Variants in SCN8A observed in about 807,000 individuals in gnomAD.
SCN8A encodes the protein sodium channel protein type 8 subunit alpha.
A neutral mutation model predicts 184.1 loss-of-function variants in SCN8A; 30 were observed. The ratio of observed to expected loss-of-function variants is 0.16; its 90% CI spans 0.12 to 0.22. The LOEUF (loss-of-function observed/expected upper bound fraction) is 0.22, where lower values mean the gene tolerates loss of function less well. Among genes scored for constraint, SCN8A ranks in the 10% least tolerant of loss-of-function variants. The pLI, the probability that SCN8A is intolerant of heterozygous loss-of-function variation, is 1.00. For synonymous variants in SCN8A, 852 were observed against 907.0 expected (o/e 0.94, Z 1.09); for missense variants, 1,057 against 2,498.9 (o/e 0.42, Z 12.30).
intron 21 of SCN8A, among the ~76,000 whole-genome samples, chr12:51,783,568 A>G (rs2138898256): frequency 6.6e-6 from 1 of 152,342 alleles, no homozygotes; most frequent in South Asian, 2.1e-4. Context: ...CTTGTGCTAT[A>G]GGCAAAGGAA....
chr12:51,643,752 C>T (rs1465172870), intron 1 of SCN8A, among the ~76,000 whole-genome samples: 1 of 152,106 alleles, frequency 6.6e-6, no homozygotes, highest in African/African-American at 2.4e-5. Context: ...AAAAGACTTC[C>T]ACTGATTGAA....
intron 1 of SCN8A, among the ~76,000 whole-genome samples, chr12:51,605,529 G>T (rs1399353866): frequency 6.6e-6 from 1 of 152,164 alleles, no homozygotes; most frequent in Non-Finnish European, 1.5e-5. Flanking sequence ...CAATGTTGCA[G>T]TTGTGAATTG....
chr12:51,631,527 T>TA (rs1940196220), intron 1 of SCN8A, among the ~76,000 whole-genome samples: 2 of 152,228 alleles, frequency 1.3e-5, no homozygotes, highest in African/African-American at 4.8e-5. Context: ...TTAAGACCAC[T>TA]ACCTGAAGCA....
intron 12 of SCN8A, among the ~76,000 whole-genome samples, chr12:51,740,889 A>G (rs1355064412): frequency 6.6e-6 from 1 of 152,146 alleles, no homozygotes; most frequent in Admixed American, 6.5e-5. Flanking sequence ...GGCTCAAGTG[A>G]TCCTCCTGCC....
At chr12:51,684,106 A>C in intron 2 of SCN8A, 68 bp from the exon 3 acceptor site, 2 of 832,808 alleles carry the variant, frequency 2.4e-6, no homozygotes, top group Non-Finnish European at 4.2e-6. Flanking sequence ...CCTTACCTAG[A>C]AATCATTGTT....
intron 1 of SCN8A, among the ~76,000 whole-genome samples, chr12:51,648,262 G>A (rs902921801): frequency 1.3e-5 from 2 of 152,168 alleles, no homozygotes; most frequent in Admixed American, 6.5e-5. Context: ...TTATTCACAG[G>A]TGTGACCATG....
intron 11 of SCN8A, among the ~76,000 whole-genome samples, chr12:51,716,327 A>G (rs1353765354): frequency 6.6e-6 from 1 of 152,158 alleles, no homozygotes; most frequent in Non-Finnish European, 1.5e-5. Context: ...ACTCCAGCCC[A>G]GGCAACAGAG....
Position 51,602,085 on chromosome 12 carries a change from C to G in SCN8A, c.-55+10726C>G, listed in dbSNP as rs142601689. Among the ~76,000 whole-genome samples the G allele has an allele frequency of 5.0e-3, 766 of 151,840 alleles. 5 individuals are homozygous for G. Among genetic ancestry groups the G allele is most frequent in the African/African-American group, 0.018 (731 of 41,404 alleles). Reference sequence around the variant, plus strand: ...TTGTTTTTTCCTTCCACAGTTTAATCCTAGAACCTAGAAAGAACTGTTATT... The same window carrying G: ...TTGTTTTTTCCTTCCACAGTTTAATGCTAGAACCTAGAAAGAACTGTTATT... On this transcript the variant is annotated intron_variant, in intron 1 of 26. Transcript: ENST00000627620.
chr12:51,697,495 G>A (rs576807784), intron 6 of SCN8A, among the ~76,000 whole-genome samples: 19 of 152,242 alleles, frequency 1.2e-4, no homozygotes, highest in Non-Finnish European at 2.5e-4. Flanking sequence ...GAAAAGTCTA[G>A]GTGATTACTT....
chr12:51,680,178 C>T (rs1601013), intron 2 of SCN8A, among the ~76,000 whole-genome samples: 123,456 of 152,146 alleles, frequency 0.81, 51,033 homozygotes, highest in East Asian at 0.99. Flanking sequence ...TTTTTGTTAA[C>T]AGAAAAACTG....
chr12:51,620,611 G>A (rs1555209097), intron 1 of SCN8A, among the ~76,000 whole-genome samples: 1 of 151,772 alleles, frequency 6.6e-6, no homozygotes, highest in Non-Finnish European at 1.5e-5. Context: ...ATAGAATGAA[G>A]CAATCATTGC....
intron 2 of SCN8A, among the ~76,000 whole-genome samples, chr12:51,665,644 T>G (rs541470570): frequency 1.2e-4 from 18 of 152,164 alleles, no homozygotes; most frequent in African/African-American, 4.3e-4. Flanking sequence ...TCTATAGGGG[T>G]GGAAAAAGTC....
chr12:51,606,146 G>A lies in SCN8A; in HGVS notation c.-55+14787G>A, dbSNP rs372293292. Among the ~76,000 whole-genome samples the A allele has an allele frequency of 2.4e-4, 36 of 152,164 alleles. 1 individual carries two copies. In the South Asian group the frequency reaches 7.1e-3, roughly 30 times the overall value. On this transcript the variant is annotated intron_variant, in intron 1 of 26. Coordinates refer to ENST00000627620, the MANE Select transcript of SCN8A (RefSeq NM_001330260.2). ...TTATTGCATTTGCTTTTGGGTTCTT[G>A]GCCATGAAATCCTTGCCTAAGCCAA...
intron 1 of SCN8A, among the ~76,000 whole-genome samples, chr12:51,619,662 A>G (rs1262796742): frequency 1.3e-5 from 2 of 152,248 alleles, no homozygotes; most frequent in Non-Finnish European, 2.9e-5. Context: ...GTGGAAAAAA[A>G]TAAAAAGGAT....
Position 51,637,291 on chromosome 12 carries a change from C to T in SCN8A, c.-54-25473C>T, listed in dbSNP as rs79513521. Among the ~76,000 whole-genome samples, 656 of 152,248 alleles carry T rather than the reference C, an allele frequency of 4.3e-3. 6 individuals are homozygous for T. The highest frequency in any genetic ancestry group is 0.015 in the African/African-American group (631 of 41,516). On this transcript the variant is annotated intron_variant, in intron 1 of 26. Transcript: ENST00000627620. The stretch of plus-strand genomic sequence containing the variant: ...GCCAACTAATAGCCTTACATGGCCT[C>T]TTAGTGTTCAAGTAAAAGGAAGAGT...
At chr12:51,777,670 G>A (rs546310012) in intron 20 of SCN8A, among the ~76,000 whole-genome samples, 2 of 152,114 alleles carry the variant, frequency 1.3e-5, no homozygotes, top group African/African-American at 4.8e-5. Flanking sequence ...TCCCAGCAAC[G>A]TTTAGAGCCA....
chr12:51,762,781 T>G (rs899968507), intron 15 of SCN8A, 105 bp downstream of exon 15: 1 of 1,038,286 alleles, frequency 9.6e-7, no homozygotes. Flanking sequence ...ATTAGCTGTA[T>G]TTTACTCCCA....
chr12:51,630,055 A>T (rs1047214542), intron 1 of SCN8A, among the ~76,000 whole-genome samples: 6 of 152,178 alleles, frequency 3.9e-5, no homozygotes, highest in Admixed American at 1.3e-4. Flanking sequence ...GACCTGGCCA[A>T]GTTTCTTAAC....
intron 1 of SCN8A, among the ~76,000 whole-genome samples, chr12:51,636,648 G>C (rs1408983583): frequency 6.6e-6 from 1 of 152,174 alleles, no homozygotes; most frequent in Non-Finnish European, 1.5e-5. Context: ...AAATCAATTT[G>C]CTTCCCAGTT....
Sources: gnomAD v4.1 joint callset for allele counts (sites outside exome capture counted in the v4.1 genomes callset) on GRCh38, gnomAD v4.1.1 for gene constraint, MANE v1.5 for transcripts, NCBI Gene and HGNC (gene_info 2026-07-23, HGNC 2026-07-21) for gene names.